LAMC3: variants seen among roughly 807,000 people sequenced by gnomAD.
LAMC3 encodes the protein laminin subunit gamma 3, also known as laminin subunit gamma-3.
LAMC3 carries 128 observed loss-of-function variants against 173.8 expected under a neutral mutation model. That is an observed-to-expected ratio of 0.74 (90% CI 0.64 to 0.85). The LOEUF is 0.85. Ranked by LOEUF, LAMC3 falls within the 40% of genes least tolerant of loss-of-function variation. The pLI, the probability that LAMC3 is intolerant of heterozygous loss-of-function variation, is 0.00. For synonymous variants in LAMC3, 897 were observed against 909.1 expected, an observed-to-expected ratio of 0.99 and a Z score of 0.24; for missense variants, 2,022 against 2,156.0, an observed-to-expected ratio of 0.94 and a Z score of 1.23.
At chr9:131,046,141 G>A (rs1834151134) in intron 8 of LAMC3, among the ~76,000 whole-genome samples, 1 of 145,326 alleles carries the variant, frequency 6.9e-6, no homozygotes, top group Admixed American at 6.9e-5. Context: ...CCACATAACA[G>A]TTGTGAGCAC....
chr9:131,052,483 G>A lies in LAMC3; in HGVS notation c.1631-8G>A, dbSNP rs1408224345. The A allele has an allele frequency of 6.2e-6, 10 of 1,612,002 alleles. No homozygotes were observed. The highest frequency in any genetic ancestry group is 4.0e-5 in the African/African-American group (3 of 75,014). On this transcript the variant is annotated splice_region_variant and splice_polypyrimidine_tract_variant and intron_variant, in intron 9 of 27. Transcript: ENST00000361069. ...AAGACTGTCAAAGCCTTCTTCTCTT[G>A]TCTTCAGAGAAGTTCCTGGGAGACC... is the stretch of plus-strand genomic sequence containing the variant.
At chr9:131,030,825 G>A (rs980908990) in intron 2 of LAMC3, among the ~76,000 whole-genome samples, 2 of 152,220 alleles carry the variant, frequency 1.3e-5, no homozygotes, top group Non-Finnish European at 2.9e-5. Context: ...TCCAGTAGCC[G>A]GCCCAGCAGC....
intron 6 of LAMC3, among the ~76,000 whole-genome samples, chr9:131,039,815 G>A (rs993343458): frequency 1.3e-5 from 2 of 151,946 alleles, no homozygotes; most frequent in Admixed American, 6.6e-5. Context: ...ACGCAGTGTG[G>A]GGAGCGGGGT....
intron 1 of LAMC3, among the ~76,000 whole-genome samples, chr9:131,024,166 T>TTTA (rs375448886): frequency 2.0e-5 from 3 of 151,128 alleles, no homozygotes; most frequent in Non-Finnish European, 3.0e-5. Context: ...TTTTTTTTTT[T>TTTA]AGACAGTCTT....
At chr9:131,066,823 G>A (rs1169598586) in intron 13 of LAMC3, 137 bp from the exon 14 acceptor site, 4 of 1,162,650 alleles carry the variant, frequency 3.4e-6, no homozygotes, top group Non-Finnish European at 3.7e-6. Flanking sequence ...GCCACTGGGG[G>A]CCGGTCCCAG....
intron 11 of LAMC3, among the ~76,000 whole-genome samples, chr9:131,055,302 C>T (rs1834378314): frequency 6.6e-6 from 1 of 152,112 alleles, no homozygotes; most frequent in African/African-American, 2.4e-5. Context: ...CATATTTTGC[C>T]CAGAGTTTAT....
intron 25 of LAMC3, 64 bp downstream of exon 25, chr9:131,085,787 G>C: frequency 6.7e-7 from 1 of 1,493,054 alleles, no homozygotes; most frequent in East Asian, 2.3e-5. Context: ...CCTTCCGCGG[G>C]CCCCTTCCCG....
chr9:131,050,331 G>A (rs1489261365), intron 9 of LAMC3, among the ~76,000 whole-genome samples: 1 of 152,214 alleles, frequency 6.6e-6, no homozygotes, highest in Non-Finnish European at 1.5e-5. Flanking sequence ...TGCTTACGGT[G>A]GGGACACAGA....
chr9:131,010,749 C>G (rs1241386665), intron 1 of LAMC3, among the ~76,000 whole-genome samples: 1 of 152,256 alleles, frequency 6.6e-6, no homozygotes, highest in Admixed American at 6.5e-5. Flanking sequence ...CATGGCCTCT[C>G]TGCCCTGCTC....
chr9:131,032,007 A>C (rs2133235468), intron 2 of LAMC3, 38 bp from the exon 3 acceptor site: 1 of 1,613,712 alleles, frequency 6.2e-7, no homozygotes, highest in Non-Finnish European at 8.5e-7. Flanking sequence ...CTAAATACTC[A>C]GGAACCTGCT....
intron 16 of LAMC3, 37 bp from the exon 17 acceptor site, chr9:131,069,635 C>G: frequency 6.3e-7 from 1 of 1,581,672 alleles, no homozygotes; most frequent in Non-Finnish European, 8.6e-7. Flanking sequence ...CCCCTGGCCC[C>G]TCTAAACCCA....
At chr9:131,085,765 CG>C in intron 25 of LAMC3, 42 bp downstream of exon 25, 7 of 1,591,390 alleles carry the variant, frequency 4.4e-6, no homozygotes, top group South Asian at 1.1e-5. Flanking sequence ...CCTTCCCTCC[CG>C]GGGGGACCGC....
In LAMC3 at chr9:131,082,172, C is replaced by G; in HGVS notation, c.4030+11C>G. ...TGGCTGATCTGGAAGGTACGTGAGT[C>G]CAGCTGACCACTAGGCTGTGTAATG... On this transcript the variant is annotated intron_variant, in intron 24 of 27. Coordinates refer to ENST00000361069, the MANE Select transcript of LAMC3 (RefSeq NM_006059.4). The G allele has an allele frequency of 6.3e-7, 1 of 1,593,188 alleles. No homozygotes were observed. Among genetic ancestry groups the G allele is most frequent in the Non-Finnish European group, 8.6e-7 (1 of 1,162,340 alleles).
intron 6 of LAMC3, among the ~76,000 whole-genome samples, chr9:131,040,544 G>C (rs1834030604): frequency 6.6e-6 from 1 of 152,174 alleles, no homozygotes. Context: ...AGAGGCAGCA[G>C]AAACACATTG....
At chr9:131,048,493 C>T (rs565983227) in intron 8 of LAMC3, among the ~76,000 whole-genome samples, 5 of 152,230 alleles carry the variant, frequency 3.3e-5, no homozygotes, top group Middle Eastern at 3.4e-3. Context: ...CCTCATTGCC[C>T]GCTACCCCCT....
At chr9:131,035,260 T>C (rs193197081) in intron 3 of LAMC3, among the ~76,000 whole-genome samples, 2 of 152,270 alleles carry the variant, frequency 1.3e-5, no homozygotes, top group East Asian at 3.9e-4. Flanking sequence ...GATGGTAATT[T>C]ATTAAAAGAG....
Position 131,085,742 on chromosome 9 carries a change from A to G in LAMC3, c.4230+19A>G. ...TGCCAAGGTCAGGGTGGTGGCTGTG[A>G]CAACAGTGGCCTCCTTCCCTCCCGG... On this transcript the variant is annotated intron_variant, in intron 25 of 27. Coordinates refer to ENST00000361069, the MANE Select transcript of LAMC3 (RefSeq NM_006059.4). 6.2e-7 allele frequency: 1 copy of G among 1,612,938 alleles called. No individual in the cohort carries two copies. The highest frequency in any genetic ancestry group is 1.3e-5 in the African/African-American group (1 of 75,046).
chr9:131,082,428 C>T (rs1830258014), intron 24 of LAMC3, among the ~76,000 whole-genome samples: 1 of 152,220 alleles, frequency 6.6e-6, no homozygotes, highest in Admixed American at 6.5e-5. Context: ...AGAGGAGACT[C>T]TAACATCATT....
chr9:131,076,092 T>G (rs1830121468), intron 21 of LAMC3, 127 bp downstream of exon 21: 1 of 994,114 alleles, frequency 1.0e-6, no homozygotes, highest in African/African-American at 1.6e-5. Context: ...CGTTGGTGTC[T>G]TGGGTCTGCA....
Sources: gnomAD v4.1 joint callset for allele counts (sites outside exome capture counted in the v4.1 genomes callset) on GRCh38, gnomAD v4.1.1 for gene constraint, MANE v1.5 for transcripts, NCBI Gene and HGNC (gene_info 2026-07-23, HGNC 2026-07-21) for gene names.